KDM3A: variants seen among roughly 807,000 people sequenced by gnomAD.
KDM3A encodes lysine demethylase 3A.
In KDM3A, 60 loss-of-function variants were observed where a neutral mutation model predicts 158.0. The observed-to-expected ratio is 0.38, with a 90% CI of 0.31 to 0.47. The LOEUF (loss-of-function observed/expected upper bound fraction) is 0.47, where lower values mean the gene tolerates loss of function less well. Among genes scored for constraint, KDM3A ranks in the 20% least tolerant of loss-of-function variants. KDM3A has a pLI of 0.99. For synonymous variants in KDM3A, 608 were observed against 549.3 expected (o/e 1.11, Z -1.49); for missense variants, 1,319 against 1,574.3 (o/e 0.84, Z 2.74).
At chr2:86,480,109 G>C in intron 15 of KDM3A, 58 bp from the exon 16 acceptor site, 2 of 1,343,924 alleles carry the variant, frequency 1.5e-6, no homozygotes, top group Non-Finnish European at 2.1e-6. Context: ...GAGAAGAAAA[G>C]AAAAGGAAGC....
Position 86,442,488 on chromosome 2 carries a change from C to T in KDM3A, c.186+255C>T, listed in dbSNP as rs147607074. 1.8e-4 allele frequency: 72 copies of T among 405,988 alleles called. No individual in the cohort carries two copies. The East Asian group carries it at 3.3e-3, about 19-fold the overall frequency. 25.1% of individuals were successfully genotyped at this position (405,988 alleles called of 1,614,324 possible). On this transcript the variant is annotated intron_variant, in intron 2 of 25. Coordinates refer to ENST00000312912, the MANE Select transcript of KDM3A (RefSeq NM_018433.6). ...CAGACACGCTTCATTAATGCCGGTG[C>T]TGTGTCCCACCAGGACTGTCTCATC...
intron 2 of KDM3A, among the ~76,000 whole-genome samples, chr2:86,445,117 AAT>A (rs1291093660): frequency 6.6e-6 from 1 of 152,218 alleles, no homozygotes; most frequent in Non-Finnish European, 1.5e-5. Context: ...ACTAGGCTTT[AAT>A]ATTCAGGTAG....
intron 2 of KDM3A, among the ~76,000 whole-genome samples, chr2:86,445,326 G>A (rs1201915264): frequency 6.6e-6 from 1 of 152,220 alleles, no homozygotes; most frequent in African/African-American, 2.4e-5. Context: ...AATAACAACA[G>A]ATCTTAATTA....
intron 2 of KDM3A, among the ~76,000 whole-genome samples, chr2:86,444,032 C>G (rs901358963): frequency 4.6e-5 from 7 of 152,332 alleles, no homozygotes; most frequent in African/African-American, 1.4e-4. Context: ...ACTAGGCGTT[C>G]CCTTCCCTTC....
At chr2:86,460,004 G>T (rs1479233735) in intron 8 of KDM3A, among the ~76,000 whole-genome samples, 1 of 152,116 alleles carries the variant, frequency 6.6e-6, no homozygotes, top group Non-Finnish European at 1.5e-5. Flanking sequence ...TTTTACCTGG[G>T]TTTCAGAAGT....
In KDM3A at chr2:86,478,232, A is replaced by G. The variant is rs1037862686; in HGVS notation, c.2155A>G (p.Asn719Asp). The change falls in exon 14 of 26, where the codon AAC becomes GAC. Residue 719 changes from asparagine (N) to aspartate (D), a missense_variant. Around this residue, in one of 4 missense-constraint regions of KDM3A, gnomAD observed 368 missense variants for 415.8 expected, o/e 0.89. Coordinates refer to ENST00000312912, the MANE Select transcript of KDM3A (RefSeq NM_018433.6). Reference sequence around the variant, plus strand: ...GAAGAGTCAGATACATGAACCAGAGAACTTAATGCCCACACAGATCATTCC... The same window carrying G: ...GAAGAGTCAGATACATGAACCAGAGGACTTAATGCCCACACAGATCATTCC... The part of the protein sequence containing the change: ...CVKSQIHEPE[N>D]LMPTQIIPGK... The G allele has an allele frequency of 6.2e-7, 1 of 1,613,692 alleles. No individual in the cohort carries two copies. Among genetic ancestry groups the G allele is most frequent in the Non-Finnish European group, 8.5e-7 (1 of 1,179,652 alleles).
At chr2:86,471,836 A>C (rs1222016069) in intron 11 of KDM3A, among the ~76,000 whole-genome samples, 1 of 152,246 alleles carries the variant, frequency 6.6e-6, no homozygotes, top group African/African-American at 2.4e-5. Flanking sequence ...TAACATATGC[A>C]TATATTAATA....
At chr2:86,475,665 G>A (rs891821318) in intron 12 of KDM3A, among the ~76,000 whole-genome samples, 1 of 152,162 alleles carries the variant, frequency 6.6e-6, no homozygotes, top group Non-Finnish European at 1.5e-5. Context: ...CTGTGGAAAT[G>A]AGTTATCCAG....
rs757880839 is a variant in KDM3A, at chr2:86,489,415, A to T, written c.3411A>T (p.Lys1137Asn). 6.2e-7 allele frequency: 1 copy of T among 1,614,060 alleles called. No individual in the cohort carries two copies. The highest frequency in any genetic ancestry group is 8.5e-7 in the Non-Finnish European group (1 of 1,179,958). ...TCATGGTCTATGTGGGAATTCCCAAAGGACAGTGTGAGCAAGAAGAAGGTA... is the reference window on the plus strand; with the variant it reads ...TCATGGTCTATGTGGGAATTCCCAATGGACAGTGTGAGCAAGAAGAAGGTA... ...ANVMVYVGIPKGQCEQEEEVL... is the reference protein window; with the variant it reads ...ANVMVYVGIPNGQCEQEEEVL... The change falls in exon 22 of 26, where the codon AAA (lysine) becomes AAT (asparagine). Residue 1137 changes from lysine (K) to asparagine (N), a missense_variant. By Grantham distance (94) the Lys-to-Asn change is moderately conservative. Around this residue, in one of 4 missense-constraint regions of KDM3A, gnomAD observed 186 missense variants for 340.9 expected, o/e 0.55. Coordinates refer to ENST00000312912, the MANE Select transcript of KDM3A (RefSeq NM_018433.6).
intron 8 of KDM3A, among the ~76,000 whole-genome samples, chr2:86,461,831 A>G (rs973766575): frequency 6.6e-6 from 1 of 152,174 alleles, no homozygotes; most frequent in African/African-American, 2.4e-5. Flanking sequence ...AGGGCTTAGA[A>G]CACTAGGAGA....
chr2:86,475,105 T>A (rs1029363891), intron 12 of KDM3A, 115 bp downstream of exon 12: 38 of 824,402 alleles, frequency 4.6e-5, no homozygotes, highest in East Asian at 2.3e-4. Flanking sequence ...TAGATAACTT[T>A]GGTATAATGA....
intron 23 of KDM3A, 122 bp downstream of exon 23, chr2:86,489,781 C>T: frequency 9.6e-7 from 1 of 1,043,138 alleles, no homozygotes; most frequent in Non-Finnish European, 1.4e-6. Context: ...TAAATCTGTA[C>T]CTGTCAGATT....
intron 7 of KDM3A, 35 bp downstream of exon 7, chr2:86,456,912 C>T: frequency 1.3e-6 from 2 of 1,570,864 alleles, no homozygotes; most frequent in East Asian, 2.2e-5. Flanking sequence ...CTTCTCCTTC[C>T]TCCTTTCCTC....
At position 86,490,957 on chromosome 2, in the gene KDM3A, C is replaced by A. The variant is rs758026537; in HGVS notation, c.3650C>A (p.Ser1217Ter). 6.2e-7 allele frequency: 1 copy of A among 1,613,888 alleles called. No individual in the cohort carries two copies. The highest frequency in any genetic ancestry group is 8.5e-7 in the Non-Finnish European group (1 of 1,179,842). Residue 1217 changes from serine to a stop codon, truncating the protein, a stop_gained, in exon 24 of 26, where the codon TCA (serine) becomes TAA (stop). Transcript: ENST00000312912. LOFTEE classifies it high-confidence loss of function. Reference sequence around the variant, plus strand: ...GATCAAAGCTGGTATTTAGACCGATCATTAAGAAAACGTCTTCATCAAGAG... The same window carrying A: ...GATCAAAGCTGGTATTTAGACCGATAATTAAGAAAACGTCTTCATCAAGAG... The part of the protein sequence containing the change: ...IHDQSWYLDR[S>*]LRKRLHQEYG...
At position 86,480,374 on chromosome 2, in the gene KDM3A, C is replaced by T. The variant is rs1673863679; in HGVS notation, c.2512+12C>T. The T allele has an allele frequency of 6.2e-7, 1 of 1,604,676 alleles. No individual in the cohort carries two copies. The highest frequency in any genetic ancestry group is 1.3e-5 in the African/African-American group (1 of 74,650). ...CAAGGAAAACAAGGGTGAGTGTTTCCTGCTTTTGTGTTTGTTCTTGAGTAT... is the reference window on the plus strand; with the variant it reads ...CAAGGAAAACAAGGGTGAGTGTTTCTTGCTTTTGTGTTTGTTCTTGAGTAT... On this transcript the variant is annotated intron_variant, in intron 16 of 25. Transcript: ENST00000312912.
At chr2:86,484,644 T>C (rs1363597693) in intron 19 of KDM3A, 4 of 313,060 alleles carry the variant, frequency 1.3e-5, no homozygotes, top group African/African-American at 2.1e-5. Context: ...TTAATAAGCT[T>C]CTAGGAAAGA....
In KDM3A at chr2:86,455,094, A is replaced by C; in HGVS notation, c.463A>C (p.Ser155Arg). 1.3e-6 allele frequency: 2 copies of C among 1,576,826 alleles called. No homozygotes were observed. Among genetic ancestry groups the C allele is most frequent in the Non-Finnish European group, 1.7e-6 (2 of 1,159,226 alleles). The change falls in exon 5 of 26, where the codon AGT becomes CGT. Residue 155 changes from serine (S) to arginine (R), a missense_variant. Physicochemically the swap from Ser to Arg is moderately radical, Grantham distance 110 (BLOSUM62 -1). Coordinates refer to ENST00000312912, the MANE Select transcript of KDM3A (RefSeq NM_018433.6). ...ATCTTTCATTTTTCAGGATGTAAAC[A>C]GTCTTCGACTTTCTCTTACGGATAA... ...DLLKPIQDVN[S>R]LRLSLTDNQI...
intron 6 of KDM3A, 114 bp from the exon 7 acceptor site, chr2:86,456,691 T>C (rs2104644411): frequency 7.7e-7 from 1 of 1,291,702 alleles, no homozygotes; most frequent in East Asian, 2.4e-5. Context: ...TTACAGTTGT[T>C]TTAAAAAGAA....
rs541873102 is a variant in KDM3A, at chr2:86,474,283, C to T, written c.1725-493C>T. On this transcript the variant is annotated intron_variant, in intron 11 of 25. Coordinates refer to ENST00000312912, the MANE Select transcript of KDM3A (RefSeq NM_018433.6). ...TGGGGAAAAAGTGTTTTTAATCTTC[C>T]TACTGACATTGCCAAATAATCATTG... 2.6e-5 allele frequency among the ~76,000 whole-genome samples: 4 copies of T among 152,252 alleles called. No individual in the cohort carries two copies. The South Asian group carries it at 8.3e-4, about 32-fold the overall frequency.
Sources: allele counts gnomAD v4.1 joint callset (sites outside exome capture counted in the v4.1 genomes callset), GRCh38; gene constraint gnomAD v4.1.1; regional missense constraint gnomAD v4.1.1; transcripts MANE v1.5; gene names NCBI Gene and HGNC (gene_info 2026-07-23, HGNC 2026-07-21).